Variants in LITAF observed in about 807,000 individuals in gnomAD.
LITAF encodes lipopolysaccharide induced TNF factor, also known as lipopolysaccharide-induced tumor necrosis factor-alpha factor.
A neutral mutation model predicts 14.5 loss-of-function variants in LITAF; 9 were observed. The ratio of observed to expected loss-of-function variants is 0.62; its 90% CI spans 0.37 to 1.08. The LOEUF (loss-of-function observed/expected upper bound fraction) is 1.08, where lower values mean the gene tolerates loss of function less well. Ranked by LOEUF, LITAF falls within the 50% of genes least tolerant of loss-of-function variation. The pLI is 0.01. For synonymous variants in LITAF, 98 were observed against 88.2 expected (o/e 1.11, Z -0.62); for missense variants, 206 against 213.4 (o/e 0.97, Z 0.22).
At chr16:11,557,387 T>C (rs185089148) in intron 1 of LITAF, among the ~76,000 whole-genome samples, 435 of 152,330 alleles carry the variant, frequency 2.9e-3, no homozygotes, top group Non-Finnish European at 4.5e-3. Context: ...ATGTTCAGTC[T>C]GTAAAAATCT....
At chr16:11,638,136 A>AGATAGATAGATAGATC (rs2065150798), upstream of LITAF, among the ~76,000 whole-genome samples, 1 of 148,420 alleles carries the variant, frequency 6.7e-6, no homozygotes, top group African/African-American at 2.5e-5. Flanking sequence ...ATAGATAGAT[A>AGATAGATAGATAGATC]GATAGATATG....
At chr16:11,595,109 A>C (rs1201239629) in intron 1 of LITAF, among the ~76,000 whole-genome samples, 1 of 152,158 alleles carries the variant, frequency 6.6e-6, no homozygotes, top group East Asian at 1.9e-4. Context: ...TGTGTTACCC[A>C]TTAACGACCA....
intron 3 of LITAF, among the ~76,000 whole-genome samples, chr16:11,610,922 T>C (rs1233921337): frequency 1.3e-5 from 2 of 152,072 alleles, no homozygotes; most frequent in African/African-American, 4.8e-5. Flanking sequence ...CACGACAGTG[T>C]CAGTCCTAAT....
chr16:11,598,837 T>G (rs1190936873), upstream of LITAF, among the ~76,000 whole-genome samples: 2 of 152,084 alleles, frequency 1.3e-5, no homozygotes, highest in African/African-American at 2.4e-5. Context: ...TTTATTTTTT[T>G]AAGACAGAGT....
At chr16:11,555,922 C>T (rs571255508) in intron 2 of LITAF, among the ~76,000 whole-genome samples, 4 of 152,234 alleles carry the variant, frequency 2.6e-5, no homozygotes, top group Non-Finnish European at 5.9e-5. Context: ...TATGTGAACC[C>T]AGGCAGTCTG....
chr16:11,576,597 T>G (rs2064640595), intron 1 of LITAF, among the ~76,000 whole-genome samples: 1 of 143,316 alleles, frequency 7.0e-6, no homozygotes. Flanking sequence ...GGAAAAATGC[T>G]TGTGTCCACA....
intron 1 of LITAF, among the ~76,000 whole-genome samples, chr16:11,556,986 G>C (rs1448202072): frequency 6.6e-6 from 1 of 151,846 alleles, no homozygotes; most frequent in African/African-American, 2.4e-5. Flanking sequence ...CCAAATAAGG[G>C]TCATTTCTTC....
chr16:11,635,287 C>A (rs114186889), intron 2 of LITAF, among the ~76,000 whole-genome samples: 1 of 152,210 alleles, frequency 6.6e-6, no homozygotes, highest in African/African-American at 2.4e-5. Context: ...CTTGCATAGA[C>A]ACACACGCAT....
intron 1 of LITAF, among the ~76,000 whole-genome samples, chr16:11,562,837 C>A (rs2064390179): frequency 6.6e-6 from 1 of 151,804 alleles, no homozygotes; most frequent in African/African-American, 2.4e-5. Flanking sequence ...TTTGAGACTG[C>A]AATAAGCTAG....
rs2064949173 is a variant in LITAF at position 11,605,206 on chromosome 16, A to G, written c.85+28327T>C. ...TCAGCATCCCCCCAGCCAGCTCTGGATGGAGGATGAGCTGAATTACGCACC... is the reference window on the plus strand; with the variant it reads ...TCAGCATCCCCCCAGCCAGCTCTGGGTGGAGGATGAGCTGAATTACGCACC... On this transcript the variant is annotated intron_variant, in intron 3 of 3. Coordinates refer to the LITAF transcript ENST00000574848. This position sits in a 1 kb window ranked among gnomAD's most constrained non-coding sequence, Gnocchi z 4.7. Among the ~76,000 whole-genome samples, 1 of 152,094 alleles carries G rather than the reference A, an allele frequency of 6.6e-6. No individual in the cohort carries two copies. The highest frequency in any genetic ancestry group is 6.6e-5 in the Admixed American group (1 of 15,254).
chr16:11,566,796 A>G (rs972357653), intron 1 of LITAF, among the ~76,000 whole-genome samples: 1 of 133,202 alleles, frequency 7.5e-6, no homozygotes, highest in Non-Finnish European at 1.6e-5. Flanking sequence ...ACCTTGGGTT[A>G]AAAAAAAAAA....
intron 3 of LITAF, among the ~76,000 whole-genome samples, chr16:11,606,128 C>T (rs1006408743): frequency 1.2e-4 from 18 of 152,076 alleles, no homozygotes; most frequent in Admixed American, 2.0e-4. Context: ...TGATGCTATC[C>T]GTCCCACATG....
chr16:11,576,945 T>C (rs2064646081), intron 1 of LITAF, among the ~76,000 whole-genome samples: 1 of 152,230 alleles, frequency 6.6e-6, no homozygotes, highest in East Asian at 1.9e-4. Context: ...CAATCTTGCC[T>C]TTAGCAAGAC....
exon 1 of LITAF, chr16:11,598,457 C>T (rs1394219961): frequency 6.6e-6 from 1 of 152,190 alleles, no homozygotes; most frequent in Non-Finnish European, 1.5e-5. Context: ...TCATCTGAGA[C>T]CCCTGGCACG....
intron 1 of LITAF, among the ~76,000 whole-genome samples, chr16:11,574,405 C>T (rs141207477): frequency 6.6e-6 from 1 of 152,050 alleles, no homozygotes; most frequent in Admixed American, 6.6e-5. Flanking sequence ...ACTTAACGGT[C>T]GGTGTTTGTC....
At chr16:11,561,189 T>C (rs12445297) in intron 1 of LITAF, 2 of 151,974 alleles carry the variant, frequency 1.3e-5, no homozygotes, top group East Asian at 1.9e-4. Flanking sequence ...TCAAGGAGCA[T>C]GGTTGGTCGT....
In LITAF at chr16:11,581,910, G is replaced by C. The variant is rs1036151268; in HGVS notation, c.-6+4976C>G. Among the ~76,000 whole-genome samples the C allele has an allele frequency of 3.3e-5, 5 of 152,244 alleles. No individual in the cohort carries two copies. The East Asian group carries it at 5.8e-4, about 18-fold the overall frequency. ...ATTGAGCTCACAGAAGTAGAGAAAA[G>C]AACTGTGGTTACTGGAGGTTACAAA... On this transcript the variant is annotated intron_variant, in intron 1 of 3. Transcript: ENST00000622633.
chr16:11,567,037 T>C (rs2064461375), intron 1 of LITAF, among the ~76,000 whole-genome samples: 1 of 152,172 alleles, frequency 6.6e-6, no homozygotes, highest in South Asian at 2.1e-4. Flanking sequence ...GAGTCCTTCA[T>C]TTCCTCCGGG....
chr16:11,601,814 C>G (rs1043002530), upstream of LITAF, among the ~76,000 whole-genome samples: 2 of 152,200 alleles, frequency 1.3e-5, no homozygotes, highest in African/African-American at 4.8e-5. Context: ...CCTGCCTAGG[C>G]CTCCCATGTT....
Sources: gnomAD v4.1 joint callset for allele counts (sites outside exome capture counted in the v4.1 genomes callset) on GRCh38, gnomAD v4.1.1 for gene constraint, Gnocchi (gnomAD v3.1) non-coding constraint, MANE v1.5 for transcripts, NCBI Gene and HGNC (gene_info 2026-07-23, HGNC 2026-07-21) for gene names.